The following EHBP1 variants were observed in gnomAD, a reference collection of about 807,000 sequenced individuals.
EHBP1 encodes EH domain binding protein 1.
EHBP1 carries 55 observed loss-of-function variants against 144.0 expected under a neutral mutation model. The ratio of observed to expected loss-of-function variants is 0.38; its 90% CI spans 0.31 to 0.48. EHBP1 has a LOEUF of 0.48. EHBP1 is among the 20% of genes least tolerant of loss of function. The pLI is 0.98. For synonymous variants in EHBP1, 469 were observed against 472.7 expected (o/e 0.99, Z 0.10); for missense variants, 1,200 against 1,364.2 (o/e 0.88, Z 1.90).
At chr2:62,716,397 G>A (rs948576110) in intron 2 of EHBP1, among the ~76,000 whole-genome samples, 1 of 152,164 alleles carries the variant, frequency 6.6e-6, no homozygotes, top group African/African-American at 2.4e-5. Context: ...ATTTTTTAAG[G>A]TGTAGAGAAG....
intron 2 of EHBP1, among the ~76,000 whole-genome samples, chr2:62,727,613 A>G (rs2036958024): frequency 6.6e-6 from 1 of 152,308 alleles, no homozygotes; most frequent in East Asian, 1.9e-4. Context: ...AGGTTCATCC[A>G]TGTGTAACAA....
chr2:62,801,857 C>T (rs1209173327), intron 5 of EHBP1, among the ~76,000 whole-genome samples: 3 of 152,168 alleles, frequency 2.0e-5, no homozygotes, highest in Non-Finnish European at 4.4e-5. Flanking sequence ...TTAAGCATCT[C>T]CTATGTGCTG....
rs748485687 is a variant in EHBP1, at chr2:62,774,141, C to T, written c.312+2749C>T. Among the ~76,000 whole-genome samples, 5 of 151,896 alleles carry T rather than the reference C, an allele frequency of 3.3e-5. No individual in the cohort carries two copies. In the East Asian group the frequency reaches 7.7e-4, roughly 24 times the overall value. ...ATCCCAGCACTTTGGGAGGCCAAGGCGGGTGGATCACTTGAGGTCAGGAGT... is the reference window on the plus strand; with the variant it reads ...ATCCCAGCACTTTGGGAGGCCAAGGTGGGTGGATCACTTGAGGTCAGGAGT... On this transcript the variant is annotated intron_variant, in intron 5 of 22. Coordinates refer to ENST00000431489, the MANE Select transcript of EHBP1 (RefSeq NM_001142616.3).
At chr2:62,979,617 C>G (rs1481364886) in intron 15 of EHBP1, among the ~76,000 whole-genome samples, 1 of 152,132 alleles carries the variant, frequency 6.6e-6, no homozygotes, top group Non-Finnish European at 1.5e-5. Context: ...CCCCATGATT[C>G]CTCATTAATA....
chr2:63,030,724 C>T (rs562113055), intron 19 of EHBP1, among the ~76,000 whole-genome samples: 17 of 149,288 alleles, frequency 1.1e-4, no homozygotes, highest in Non-Finnish European at 2.2e-4. Flanking sequence ...ATTTTGTGAT[C>T]TAATGATCTG....
In EHBP1 at chr2:62,756,665, C is replaced by T. The variant is rs1024195032; in HGVS notation, c.163-7601C>T. Reference sequence around the variant, plus strand: ...ATGCTTGTAATCCCAGCTACGCGGGCGCTGAGGCAGGAGAATAGCTTGAAC... The same window carrying T: ...ATGCTTGTAATCCCAGCTACGCGGGTGCTGAGGCAGGAGAATAGCTTGAAC... On this transcript the variant is annotated intron_variant, in intron 3 of 22. Coordinates refer to ENST00000431489, the MANE Select transcript of EHBP1 (RefSeq NM_001142616.3). Among the ~76,000 whole-genome samples the T allele has an allele frequency of 4.7e-5, 7 of 150,224 alleles. No homozygotes were observed. In the South Asian group the frequency reaches 8.5e-4, roughly 18 times the overall value.
At chr2:62,993,750 A>G in intron 17 of EHBP1, 82 bp downstream of exon 17, 1 of 744,400 alleles carries the variant, frequency 1.3e-6, no homozygotes, top group Admixed American at 4.3e-5. Context: ...TATATAGTAT[A>G]TATATATAGC....
intron 13 of EHBP1, 85 bp from the exon 14 acceptor site, chr2:62,955,432 G>T (rs1470514889): frequency 2.4e-6 from 3 of 1,268,828 alleles, no homozygotes; most frequent in Middle Eastern, 2.0e-4. Flanking sequence ...TATTATTTCA[G>T]CAGATTGTCT....
At chr2:62,981,438 T>C (rs1029769856) in intron 15 of EHBP1, among the ~76,000 whole-genome samples, 10 of 152,160 alleles carry the variant, frequency 6.6e-5, no homozygotes, top group Admixed American at 4.6e-4. Context: ...CAAATAATAA[T>C]AGGATGAAGG....
intron 2 of EHBP1, among the ~76,000 whole-genome samples, chr2:62,718,668 A>G (rs1043716974): frequency 1.4e-4 from 21 of 152,240 alleles, no homozygotes; most frequent in African/African-American, 4.6e-4. Flanking sequence ...GAACTACCAT[A>G]TTTGATTCTT....
At chr2:62,820,711 GT>G (rs2152566675) in intron 5 of EHBP1, among the ~76,000 whole-genome samples, 1 of 113,184 alleles carries the variant, frequency 8.8e-6, no homozygotes, top group South Asian at 2.8e-4. Flanking sequence ...ATTCCATTGG[GT>G]GTGTGTGTGT....
At chr2:62,823,309 T>G (rs574333203) in intron 5 of EHBP1, among the ~76,000 whole-genome samples, 10 of 152,242 alleles carry the variant, frequency 6.6e-5, no homozygotes, top group African/African-American at 2.2e-4. Context: ...CAGACAGACA[T>G]TCAGCACTCA....
At chr2:62,905,287 A>G (rs2053707027) in intron 10 of EHBP1, among the ~76,000 whole-genome samples, 1 of 152,106 alleles carries the variant, frequency 6.6e-6, no homozygotes, top group Non-Finnish European at 1.5e-5. Context: ...GGAAAGAGGG[A>G]CACTTTATGC....
chr2:62,874,449 G>A lies in EHBP1; in HGVS notation c.1102G>A (p.Ala368Thr). The stretch of plus-strand genomic sequence containing the variant: ...AAGGCGAGTGAAAAGAAAGGCCCCG[G>A]CTCCACCAGTCCTCTCACCAAAAAC... Reference protein sequence around the residue: ...TERRVKRKAPAPPVLSPKTGV... With the variant: ...TERRVKRKAPTPPVLSPKTGV... The change falls in exon 10 of 23, where the codon GCT (alanine) becomes ACT (threonine). Residue 368 changes from alanine to threonine, a missense_variant. Transcript: ENST00000431489. The A allele has an allele frequency of 1.9e-6, 3 of 1,613,474 alleles. No individual in the cohort carries two copies. Among genetic ancestry groups the A allele is most frequent in the South Asian group, 2.2e-5 (2 of 90,960 alleles).
rs76100388 is a variant in EHBP1 at position 62,684,569 on chromosome 2, G to A, written c.-296+10486G>A. 1.5e-3 allele frequency among the ~76,000 whole-genome samples: 232 copies of A among 152,350 alleles called. 6 individuals are homozygous for A. The East Asian group carries it at 0.043, about 28-fold the overall frequency. On this transcript the variant is annotated intron_variant, in intron 1 of 22. Coordinates refer to the EHBP1 transcript ENST00000405015. Reference sequence around the variant, plus strand: ...ATTTGATTTTAAGCACATGAAGCGGGCACTGGCGTGTGTGTTCCTTGGGGC... The same window carrying A: ...ATTTGATTTTAAGCACATGAAGCGGACACTGGCGTGTGTGTTCCTTGGGGC...
At chr2:62,704,892 T>C (rs1261260381), upstream of EHBP1, among the ~76,000 whole-genome samples, 1 of 152,186 alleles carries the variant, frequency 6.6e-6, no homozygotes, top group Non-Finnish European at 1.5e-5. Flanking sequence ...CTTTTTGCCT[T>C]TGACCACCCT....
chr2:62,861,460 T>G (rs2049539839), intron 8 of EHBP1, among the ~76,000 whole-genome samples: 1 of 149,652 alleles, frequency 6.7e-6, no homozygotes, highest in Non-Finnish European at 1.5e-5. Flanking sequence ...CTACTAAATG[T>G]CGGCCGGGCG....
rs759917982 is a variant in EHBP1 at position 62,874,584 on chromosome 2, C to A, written c.1185+52C>A. 885 of 1,417,248 alleles carry A rather than the reference C, an allele frequency of 6.2e-4. 1 individual carries two copies. Among genetic ancestry groups the A allele is most frequent in the Non-Finnish European group, 8.0e-4 (839 of 1,049,634 alleles). The allele number at this position is 1,417,248 out of a possible 1,614,324, so 87.8% of individuals were successfully genotyped here. ...GTATTAATATTTGCTGTTTTCTCCC[C>A]GTGCCATTTAATTTAAATTAAGAAA... is the stretch of plus-strand genomic sequence containing the variant. On this transcript the variant is annotated intron_variant, in intron 10 of 22. Transcript: ENST00000431489.
intron 13 of EHBP1, among the ~76,000 whole-genome samples, chr2:62,954,225 C>T (rs1286120090): frequency 6.6e-6 from 1 of 152,078 alleles, no homozygotes; most frequent in African/African-American, 2.4e-5. Context: ...CTGACCTGCT[C>T]AATGTTACAT....
Sources: gnomAD v4.1 joint callset for allele counts (sites outside exome capture counted in the v4.1 genomes callset) on GRCh38, gnomAD v4.1.1 for gene constraint, MANE v1.5 for transcripts, NCBI Gene and HGNC (gene_info 2026-07-23, HGNC 2026-07-21) for gene names.